GLIS3: variants seen among roughly 807,000 people sequenced by gnomAD.
The protein encoded by GLIS3 is GLIS family zinc finger 3, also known as zinc finger protein GLIS3.
A neutral mutation model predicts 78.6 loss-of-function variants in GLIS3; 53 were observed. The ratio of observed to expected loss-of-function variants is 0.67; its 90% CI spans 0.54 to 0.85. The LOEUF is 0.85. Ranked by LOEUF, GLIS3 falls within the 40% of genes least tolerant of loss-of-function variation. The pLI, the probability that GLIS3 is intolerant of heterozygous loss-of-function variation, is 0.00. For synonymous variants in GLIS3, 684 were observed against 509.9 expected (o/e 1.34, Z -4.60); for missense variants, 1,703 against 1,231.1 (o/e 1.38, Z -5.74).
chr9:4,376,446 C>T, the GLIS3 span, among the ~76,000 whole-genome samples: 1 of 137,254 alleles, frequency 7.3e-6, no homozygotes, highest in African/African-American at 2.6e-5. Flanking sequence ...ACAAGAGCAA[C>T]AGAAGAAACC....
chr9:4,483,220 A>G, the GLIS3 span, among the ~76,000 whole-genome samples: 1 of 20,418 alleles, frequency 4.9e-5, no homozygotes, highest in Non-Finnish European at 7.2e-5. Context: ...AAATGCCGTA[A>G]ATTGGTTGCA....
In GLIS3 at chr9:4,174,034, C is replaced by G. The variant is rs532835575; in HGVS notation, c.389-48093G>C. 2.0e-5 allele frequency among the ~76,000 whole-genome samples: 3 copies of G among 152,218 alleles called. No homozygotes were observed. The East Asian group carries it at 5.8e-4, about 29-fold the overall frequency. On this transcript the variant is annotated intron_variant, in intron 2 of 10. Transcript: ENST00000381971. ...CCACATTTCTATCTCAGTTTTTACT[C>G]TCATGTTTCAATATATTTAGACCTC...
chr9:4,302,483 A>G (rs1308593957), upstream of GLIS3, among the ~76,000 whole-genome samples: 2 of 152,250 alleles, frequency 1.3e-5, no homozygotes, highest in Non-Finnish European at 2.9e-5. Flanking sequence ...TGTATATGGG[A>G]GGATATTACA....
chr9:3,877,326 T>C (rs1222560323), intron 8 of GLIS3, among the ~76,000 whole-genome samples: 2 of 152,258 alleles, frequency 1.3e-5, no homozygotes, highest in Non-Finnish European at 2.9e-5. Flanking sequence ...GTCTGTGAAC[T>C]TAATGGATGG....
At chr9:4,076,647 GTCTT>G (rs1262319625) in intron 4 of GLIS3, among the ~76,000 whole-genome samples, 6 of 152,100 alleles carry the variant, frequency 3.9e-5, no homozygotes, top group Admixed American at 1.3e-4. Context: ...ACATCCTCCA[GTCTT>G]TCTTTAAAAA....
At chr9:4,119,031 G>C (rs769117471) in intron 3 of GLIS3, 150 bp from the exon 4 acceptor site, 25 of 852,192 alleles carry the variant, frequency 2.9e-5, no homozygotes, top group Non-Finnish European at 4.5e-5. Flanking sequence ...CTTGGGCTAA[G>C]ATAAAATCCA....
intron 4 of GLIS3, among the ~76,000 whole-genome samples, chr9:3,964,779 G>A (rs1220834966): frequency 2.0e-5 from 3 of 152,168 alleles, no homozygotes; most frequent in African/African-American, 7.2e-5. Context: ...TATTTTCAGT[G>A]TTTCTGGGCA....
intron 2 of GLIS3, among the ~76,000 whole-genome samples, chr9:4,195,761 G>T (rs1047973436): frequency 1.3e-5 from 2 of 152,280 alleles, no homozygotes; most frequent in African/African-American, 4.8e-5. Context: ...GGGTCTTGGA[G>T]AACTTTTATG....
chr9:4,060,731 C>T (rs555793555), intron 4 of GLIS3, among the ~76,000 whole-genome samples: 2 of 152,334 alleles, frequency 1.3e-5, no homozygotes, highest in East Asian at 3.9e-4. Context: ...TCAGCTTCCA[C>T]AACTGTAAGA....
At chr9:4,269,892 A>G in intron 2 of GLIS3, among the ~76,000 whole-genome samples, 1 of 152,178 alleles carries the variant, frequency 6.6e-6, no homozygotes, top group South Asian at 2.1e-4. Flanking sequence ...TGAAACCTGG[A>G]AACAAGCCCA....
chr9:4,108,356 T>C (rs1235624897), intron 4 of GLIS3, among the ~76,000 whole-genome samples: 1 of 152,152 alleles, frequency 6.6e-6, no homozygotes, highest in Non-Finnish European at 1.5e-5. Context: ...CTCAATTCGA[T>C]GGAGAGCAAA....
At chr9:4,323,042 T>G (rs868282028) in intron 2 of GLIS3, among the ~76,000 whole-genome samples, 12 of 152,228 alleles carry the variant, frequency 7.9e-5, no homozygotes, top group African/African-American at 2.9e-4. Flanking sequence ...TCTTTATGAT[T>G]TTAGGTCTAA....
intron 2 of GLIS3, among the ~76,000 whole-genome samples, chr9:4,314,441 C>A (rs142585193): frequency 7.3e-4 from 111 of 152,330 alleles, no homozygotes; most frequent in African/African-American, 2.6e-3. Context: ...AATATGTTTG[C>A]ATGTGCATAT....
the GLIS3 span, among the ~76,000 whole-genome samples, chr9:4,434,866 G>C: frequency 1.3e-5 from 2 of 152,202 alleles, no homozygotes; most frequent in Non-Finnish European, 2.9e-5. Context: ...TGTGAGACCA[G>C]TGCTGAGCTG....
chr9:4,364,997 G>A, the GLIS3 span, among the ~76,000 whole-genome samples: 1 of 151,946 alleles, frequency 6.6e-6, no homozygotes, highest in Admixed American at 6.6e-5. Context: ...TTATTTTGGA[G>A]TGAAAAGAAA....
the GLIS3 span, among the ~76,000 whole-genome samples, chr9:4,400,743 G>A: frequency 2.0e-5 from 3 of 152,122 alleles, no homozygotes; most frequent in Admixed American, 2.0e-4. Context: ...GTAGGATAGG[G>A]CTCTGGGCAG....
intron 9 of GLIS3, among the ~76,000 whole-genome samples, chr9:3,833,697 G>C (rs530411428): frequency 5.3e-5 from 8 of 152,262 alleles, no homozygotes; most frequent in Admixed American, 5.2e-4. Flanking sequence ...ATTTATAGTA[G>C]CATAAGAACA....
At chr9:4,447,170 C>T in the GLIS3 span, among the ~76,000 whole-genome samples, 5 of 152,244 alleles carry the variant, frequency 3.3e-5, no homozygotes, top group East Asian at 9.7e-4. Context: ...ACCTTAGCCT[C>T]CCAAGTAGCT....
intron 4 of GLIS3, among the ~76,000 whole-genome samples, chr9:3,947,145 A>G (rs1816358545): frequency 6.6e-6 from 1 of 152,242 alleles, no homozygotes; most frequent in Admixed American, 6.5e-5. Flanking sequence ...GGGCTGAAGC[A>G]AAGCCTTGGC....
Sources: allele counts gnomAD v4.1 joint callset (sites outside exome capture counted in the v4.1 genomes callset), GRCh38; gene constraint gnomAD v4.1.1; transcripts MANE v1.5; gene names NCBI Gene and HGNC (gene_info 2026-07-23, HGNC 2026-07-21).